PAPSS1: variants seen among roughly 807,000 people sequenced by gnomAD.
PAPSS1 encodes bifunctional 3'-phosphoadenosine 5'-phosphosulfate synthase 1.
PAPSS1 carries 50 observed loss-of-function variants against 72.0 expected under a neutral mutation model. That is an observed-to-expected ratio of 0.69 (90% CI 0.55 to 0.88). The LOEUF is 0.88. PAPSS1 is among the 40% of genes least tolerant of loss of function. PAPSS1 has a pLI of 0.00. For missense variants in PAPSS1, 657 were observed against 782.2 expected (o/e 0.84, Z 1.91); for synonymous variants, 261 against 263.6 (o/e 0.99, Z 0.09).
At chr4:107,692,964 TG>T (rs1722973921) in intron 3 of PAPSS1, among the ~76,000 whole-genome samples, 1 of 151,408 alleles carries the variant, frequency 6.6e-6, no homozygotes, top group Non-Finnish European at 1.5e-5. Context: ...CACGGACACA[TG>T]GGGGGAAACA....
chr4:107,656,803 T>C (rs1409457158), intron 7 of PAPSS1, 93 bp downstream of exon 7: 7 of 846,408 alleles, frequency 8.3e-6, no homozygotes, highest in African/African-American at 5.0e-5. Flanking sequence ...ATTAAGACGT[T>C]ACCCTACTAC....
intron 10 of PAPSS1, among the ~76,000 whole-genome samples, chr4:107,643,929 T>TG (rs1450751460): frequency 6.6e-6 from 1 of 152,162 alleles, no homozygotes; most frequent in Non-Finnish European, 1.5e-5. Context: ...ACGATCAGAA[T>TG]GGGACAGAAT....
At chr4:107,661,486 A>G (rs1210160176) in intron 5 of PAPSS1, among the ~76,000 whole-genome samples, 1 of 152,196 alleles carries the variant, frequency 6.6e-6, no homozygotes, top group East Asian at 1.9e-4. Flanking sequence ...ACATCTAGAC[A>G]ATGCTATATT....
At chr4:107,686,555 A>C (rs1457885360) in intron 4 of PAPSS1, among the ~76,000 whole-genome samples, 1 of 152,228 alleles carries the variant, frequency 6.6e-6, no homozygotes, top group Non-Finnish European at 1.5e-5. Flanking sequence ...AGAATCAGTG[A>C]TATGTTAATT....
chr4:107,631,582 C>A, intron 11 of PAPSS1, 49 bp downstream of exon 11: 1 of 1,324,104 alleles, frequency 7.6e-7, no homozygotes, highest in Non-Finnish European at 1.1e-6. Flanking sequence ...CTGGGAGCAG[C>A]TAGACCACGA....
At chr4:107,619,987 C>T (rs1297913809) in intron 11 of PAPSS1, among the ~76,000 whole-genome samples, 1 of 152,196 alleles carries the variant, frequency 6.6e-6, no homozygotes, top group Non-Finnish European at 1.5e-5. Context: ...GACTCTCGGC[C>T]ACTTGTTGAA....
In PAPSS1 at chr4:107,717,267, AC is replaced by A. The variant is rs1184702601; in HGVS notation, c.60+2852del. On this transcript the variant is annotated intron_variant, in intron 1 of 11. Coordinates refer to ENST00000265174, the MANE Select transcript of PAPSS1 (RefSeq NM_005443.5). ...GTATCTAGTAAATGTTGAATTATATACATGGCTCATATTTCCTCTATAGACT... is the reference window on the plus strand; with the variant it reads ...GTATCTAGTAAATGTTGAATTATATAATGGCTCATATTTCCTCTATAGACT... 2.6e-5 allele frequency among the ~76,000 whole-genome samples: 4 copies of A among 152,306 alleles called. No homozygotes were observed. The East Asian group carries it at 5.8e-4, about 22-fold the overall frequency.
intron 5 of PAPSS1, among the ~76,000 whole-genome samples, chr4:107,674,155 A>C (rs1252540859): frequency 1.3e-5 from 2 of 152,236 alleles, no homozygotes; most frequent in Non-Finnish European, 2.9e-5. Context: ...CTAACATCAT[A>C]ATGACAGGAT....
intron 6 of PAPSS1, among the ~76,000 whole-genome samples, chr4:107,658,904 G>C (rs1048046425): frequency 2.6e-5 from 4 of 152,154 alleles, no homozygotes; most frequent in African/African-American, 9.7e-5. Context: ...GTGCCTTCCA[G>C]ATGCTCTGCC....
chr4:107,621,841 G>A (rs1725970581), intron 11 of PAPSS1, among the ~76,000 whole-genome samples: 2 of 151,720 alleles, frequency 1.3e-5, no homozygotes, highest in Admixed American at 1.3e-4. Flanking sequence ...TGTTAGCCAG[G>A]ATGGTCTTGA....
intron 10 of PAPSS1, among the ~76,000 whole-genome samples, chr4:107,640,223 T>C (rs1726499889): frequency 6.6e-6 from 1 of 152,182 alleles, no homozygotes; most frequent in African/African-American, 2.4e-5. Context: ...AAAATGTGTA[T>C]CTATAACACC....
chr4:107,658,383 T>G (rs1236366065), intron 6 of PAPSS1, among the ~76,000 whole-genome samples: 1 of 139,716 alleles, frequency 7.2e-6, no homozygotes, highest in African/African-American at 3.1e-5. Flanking sequence ...GGAAGAAACA[T>G]TAAATAAAAT....
At chr4:107,628,886 C>A (rs570163201) in intron 11 of PAPSS1, among the ~76,000 whole-genome samples, 1 of 152,230 alleles carries the variant, frequency 6.6e-6, no homozygotes, top group East Asian at 1.9e-4. Context: ...GGCTATAACC[C>A]ACAACTTCAG....
chr4:107,716,124 T>C (rs1723633685), intron 1 of PAPSS1, among the ~76,000 whole-genome samples: 1 of 152,208 alleles, frequency 6.6e-6, no homozygotes. Flanking sequence ...TTCTGTTATA[T>C]CAGGAAAAGC....
At position 107,644,797 on chromosome 4, in the gene PAPSS1, T is replaced by C; in HGVS notation, c.1506+5A>G. ...GCTGCAGTGAAAATCTTACAAGCAGTCTACCTCAGTTGGTCCAGCATACAT... is the reference window on the plus strand; with the variant it reads ...GCTGCAGTGAAAATCTTACAAGCAGCCTACCTCAGTTGGTCCAGCATACAT... On this transcript the variant is annotated splice_donor_5th_base_variant and intron_variant, in intron 10 of 11. Coordinates refer to ENST00000265174, the MANE Select transcript of PAPSS1 (RefSeq NM_005443.5). The C allele has an allele frequency of 6.2e-7, 1 of 1,604,492 alleles. No individual in the cohort carries two copies. Among genetic ancestry groups the C allele is most frequent in the Non-Finnish European group, 8.5e-7 (1 of 1,176,126 alleles).
intron 11 of PAPSS1, among the ~76,000 whole-genome samples, chr4:107,622,250 G>C (rs1276941792): frequency 6.6e-6 from 1 of 152,118 alleles, no homozygotes; most frequent in Non-Finnish European, 1.5e-5. Flanking sequence ...ATTCCACACT[G>C]GGGGCAAAGC....
chr4:107,626,326 G>C (rs1026800456), intron 11 of PAPSS1, among the ~76,000 whole-genome samples: 22 of 152,098 alleles, frequency 1.4e-4, no homozygotes, highest in African/African-American at 4.6e-4. Context: ...CGTGTGTACT[G>C]TCTGCTTTTT....
intron 5 of PAPSS1, among the ~76,000 whole-genome samples, chr4:107,675,786 T>A: frequency 6.6e-6 from 1 of 152,098 alleles, no homozygotes; most frequent in Non-Finnish European, 1.5e-5. Context: ...AAATCCTCAA[T>A]AAAATACTGG....
chr4:107,679,468 C>T lies in PAPSS1; in HGVS notation c.669+2547G>A, dbSNP rs77642556. ...AGCTGAGGGCTAAATCAACCTACTACAGTAACAGTATGACAGAAAATGAAA... is the reference window on the plus strand; with the variant it reads ...AGCTGAGGGCTAAATCAACCTACTATAGTAACAGTATGACAGAAAATGAAA... On this transcript the variant is annotated intron_variant, in intron 5 of 11. Transcript: ENST00000265174. Among the ~76,000 whole-genome samples the T allele has an allele frequency of 5.0e-4, 76 of 152,208 alleles. No individual in the cohort carries two copies. In the East Asian group the frequency reaches 0.012, roughly 24 times the overall value.
Sources: allele counts gnomAD v4.1 joint callset (sites outside exome capture counted in the v4.1 genomes callset), GRCh38; gene constraint gnomAD v4.1.1; transcripts MANE v1.5; gene names NCBI Gene and HGNC (gene_info 2026-07-23, HGNC 2026-07-21).